Variants in SGTB observed in about 807,000 individuals in gnomAD.
The protein encoded by SGTB is small glutamine-rich tetratricopeptide repeat-containing protein beta.
Under a neutral mutation model 43.9 loss-of-function variants are expected in SGTB, and 19 were observed. The ratio of observed to expected loss-of-function variants is 0.43; its 90% confidence interval spans 0.30 to 0.63. The LOEUF (loss-of-function observed/expected upper bound fraction) is 0.63, where lower values mean the gene tolerates loss of function less well. SGTB is among the 30% of genes least tolerant of loss of function. SGTB has a pLI of 0.12. For missense variants in SGTB, 304 were observed against 358.9 expected (o/e 0.85, Z 1.24); for synonymous variants, 116 against 117.3 (o/e 0.99, Z 0.07).
At chr5:65,720,114 G>T (rs865969067) in intron 2 of SGTB, among the ~76,000 whole-genome samples, 1 of 136,114 alleles carries the variant, frequency 7.3e-6, no homozygotes, top group Non-Finnish European at 1.5e-5. Flanking sequence ...ATAGGGTCTC[G>T]CTCATGGCCC....
At chr5:65,685,945 C>T (rs2150708966) in intron 5 of SGTB, among the ~76,000 whole-genome samples, 1 of 152,274 alleles carries the variant, frequency 6.6e-6, no homozygotes, top group East Asian at 1.9e-4. Flanking sequence ...ATTTCTAAGG[C>T]CAACTGTATT....
At chr5:65,680,830 G>T in intron 6 of SGTB, 36 bp from the exon 7 acceptor site, 1 of 1,594,256 alleles carries the variant, frequency 6.3e-7, no homozygotes, top group Non-Finnish European at 8.5e-7. Flanking sequence ...TCAGATATAT[G>T]ATTAAAGAAC....
chr5:65,676,233 A>G (rs187750663), intron 8 of SGTB, among the ~76,000 whole-genome samples: 1 of 152,200 alleles, frequency 6.6e-6, no homozygotes, highest in East Asian at 1.9e-4. Flanking sequence ...AGATCAAAAA[A>G]GACAAAGAAG....
chr5:65,695,607 T>C (rs900065024), intron 5 of SGTB, among the ~76,000 whole-genome samples: 1 of 152,228 alleles, frequency 6.6e-6, no homozygotes, highest in African/African-American at 2.4e-5. Context: ...CAGAGTCACA[T>C]GTTTCCAGGC....
In SGTB at chr5:65,708,382, T is replaced by G. The variant is rs1757978046; in HGVS notation, c.274+107A>C. On this transcript the variant is annotated intron_variant, in intron 4 of 10. Transcript: ENST00000381007. ...GTTTCGTAATTGCCATGTGCACTTA[T>G]GACAATCTAGTCTTGGTGGTGTAAT... is the stretch of plus-strand genomic sequence containing the variant. The G allele has an allele frequency of 1.6e-5, 15 of 927,606 alleles. No individual in the cohort carries two copies. The Middle Eastern group carries it at 1.5e-3, about 94-fold the overall frequency. 57.5% of individuals were successfully genotyped at this position (927,606 alleles called of 1,614,324 possible).
intron 1 of SGTB, 58 bp from the exon 2 acceptor site, chr5:65,720,887 G>A: frequency 6.5e-7 from 1 of 1,537,258 alleles, no homozygotes; most frequent in Non-Finnish European, 8.8e-7. Context: ...AGTCAGGAAA[G>A]TCATAAATTA....
chr5:65,693,988 T>C (rs1024170542), intron 5 of SGTB, among the ~76,000 whole-genome samples: 7 of 152,228 alleles, frequency 4.6e-5, no homozygotes, highest in Admixed American at 4.6e-4. Flanking sequence ...ACTGAGGAAC[T>C]GCTAATGCAA....
At chr5:65,688,497 GGA>G (rs1757540692) in intron 5 of SGTB, among the ~76,000 whole-genome samples, 1 of 152,156 alleles carries the variant, frequency 6.6e-6, no homozygotes, top group Non-Finnish European at 1.5e-5. Flanking sequence ...ATGGGAGGAT[GGA>G]GAGAGAAAAT....
intron 4 of SGTB, among the ~76,000 whole-genome samples, chr5:65,705,864 CAA>C (rs34082119): frequency 4.8e-4 from 61 of 125,838 alleles, no homozygotes; most frequent in African/African-American, 8.9e-4. Context: ...CCTATCTCTA[CAA>C]AAAAAAAAAA....
At chr5:65,722,210 C>T, upstream of SGTB, 2 of 360,226 alleles carry the variant, frequency 5.6e-6, no homozygotes, top group Non-Finnish European at 9.7e-6. Context: ...CTGGTAGGCG[C>T]CGGCGTGGAG....
At chr5:65,711,635 A>G (rs1758048168) in intron 3 of SGTB, among the ~76,000 whole-genome samples, 1 of 152,276 alleles carries the variant, frequency 6.6e-6, no homozygotes, top group Non-Finnish European at 1.5e-5. Flanking sequence ...CTATCTCCTT[A>G]TATCTTGTCA....
intron 5 of SGTB, among the ~76,000 whole-genome samples, chr5:65,702,077 A>C (rs1757836789): frequency 6.6e-6 from 1 of 152,238 alleles, no homozygotes; most frequent in African/African-American, 2.4e-5. Context: ...CACTGTAGAA[A>C]GTTCTACTGG....
intron 9 of SGTB, 36 bp downstream of exon 9, chr5:65,672,207 GT>G (rs1561149098): frequency 6.2e-7 from 1 of 1,613,442 alleles, no homozygotes; most frequent in Non-Finnish European, 8.5e-7. Context: ...AAGTGGAAGG[GT>G]TGGGGAAGTG....
upstream of SGTB, chr5:65,722,465 C>T (rs1325594884): frequency 1.3e-6 from 2 of 1,511,676 alleles, no homozygotes; most frequent in Non-Finnish European, 9.0e-7. Context: ...CGGGGTCTTT[C>T]GCCGTGTGGT....
chr5:65,671,824 A>ATT, intron 10 of SGTB, 91 bp downstream of exon 10: 2 of 1,154,038 alleles, frequency 1.7e-6, no homozygotes, highest in Non-Finnish European at 2.5e-6. Context: ...AAAGATAAAC[A>ATT]TTTAAAAAGA....
rs1758249061 is a variant in SGTB at position 65,720,616 on chromosome 5, T to C, written c.100+92A>G. The C allele has an allele frequency of 2.1e-6, 3 of 1,435,228 alleles. No homozygotes were observed. The East Asian group carries it at 7.4e-5, about 36-fold the overall frequency. 88.9% of individuals were successfully genotyped at this position (1,435,228 alleles called of 1,614,324 possible). A position where few individuals can be genotyped will look rare whatever the true frequency, so the allele number is the denominator to read the frequency against. ...TTGAAAGATCAAAAAAAATTCTGAT[T>C]ATGTTACAATAGATCATCAAGTTGG... On this transcript the variant is annotated intron_variant, in intron 2 of 10. Transcript: ENST00000381007.
chr5:65,673,456 G>C (rs1187985330), intron 8 of SGTB, among the ~76,000 whole-genome samples: 1 of 152,158 alleles, frequency 6.6e-6, no homozygotes, highest in Non-Finnish European at 1.5e-5. Context: ...CAGATCAGCT[G>C]CAGCATTAGA....
intron 5 of SGTB, among the ~76,000 whole-genome samples, chr5:65,695,424 C>T (rs1445453694): frequency 6.6e-6 from 1 of 152,172 alleles, no homozygotes; most frequent in African/African-American, 2.4e-5. Context: ...GGAGAGGCGT[C>T]TGAGCCTCAG....
intron 8 of SGTB, 92 bp from the exon 9 acceptor site, chr5:65,672,373 C>A: frequency 7.0e-7 from 1 of 1,435,734 alleles, no homozygotes; most frequent in South Asian, 1.2e-5. Context: ...AAAGCTAAAT[C>A]ATGTATGCAC....
Sources: gnomAD v4.1 joint callset for allele counts (sites outside exome capture counted in the v4.1 genomes callset) on GRCh38, gnomAD v4.1.1 for gene constraint, MANE v1.5 for transcripts, NCBI Gene and HGNC (gene_info 2026-07-23, HGNC 2026-07-21) for gene names.